Variants in ZNF283 observed in about 807,000 individuals in gnomAD.
ZNF283 encodes the protein zinc finger protein 41.
In ZNF283, 10 loss-of-function variants were observed where a neutral mutation model predicts 9.2. That is an observed-to-expected ratio of 1.09 (90% CI 0.67 to 1.85). ZNF283 has a LOEUF of 1.85. Ranked by LOEUF, ZNF283 falls within the 40% of genes most tolerant of loss-of-function variation. The pLI is 0.00. For missense variants in ZNF283, 631 were observed against 760.1 expected, an observed-to-expected ratio of 0.83 and a Z score of 2.00; for synonymous variants, 234 against 244.1, an observed-to-expected ratio of 0.96 and a Z score of 0.38.
intron 2 of ZNF283, among the ~76,000 whole-genome samples, chr19:43,829,590 G>A (rs1970614027): frequency 6.6e-6 from 1 of 152,186 alleles, no homozygotes; most frequent in Non-Finnish European, 1.5e-5. Flanking sequence ...GCTTCGTAGA[G>A]CAGTGTCATC....
chr19:43,835,932 T>C (rs1300142739), intron 5 of ZNF283, among the ~76,000 whole-genome samples: 2 of 152,182 alleles, frequency 1.3e-5, no homozygotes, highest in Non-Finnish European at 2.9e-5. Context: ...GTGTAGGCCA[T>C]GAGTGACATT....
At chr19:43,845,818 C>T (rs1233356175) in intron 6 of ZNF283, among the ~76,000 whole-genome samples, 1 of 152,068 alleles carries the variant, frequency 6.6e-6, no homozygotes, top group East Asian at 1.9e-4. Context: ...TAGCATTTCC[C>T]ATATGCATTT....
rs1371854407 is a variant in ZNF283 at position 43,829,078 on chromosome 19, T to C, written c.-65+797T>C. On this transcript the variant is annotated intron_variant, in intron 2 of 6. Transcript: ENST00000618787. Reference sequence around the variant, plus strand: ...CTGTGGCATGTAAGAAGCCGTACTATGTTGTAGTTAAAAATAAGGCCCTGG... The same window carrying C: ...CTGTGGCATGTAAGAAGCCGTACTACGTTGTAGTTAAAAATAAGGCCCTGG... Among the ~76,000 whole-genome samples the C allele has an allele frequency of 3.3e-5, 5 of 152,184 alleles. No homozygotes were observed. The East Asian group carries it at 7.7e-4, about 23-fold the overall frequency.
intron 6 of ZNF283, among the ~76,000 whole-genome samples, chr19:43,841,843 T>G (rs1971226764): frequency 6.6e-6 from 1 of 152,228 alleles, no homozygotes; most frequent in African/African-American, 2.4e-5. Flanking sequence ...TGAACTCTAT[T>G]GTATATAATG....
Position 43,848,120 on chromosome 19 carries a change from G to C in ZNF283, c.1519G>C (p.Val507Leu). ...CSGYQLTRHQ[V>L]FHTGEKPYEC... ...TGGGTATCAACTTACTCGACATCAG[G>C]TATTTCACACTGGTGAGAAACCCTA... is the stretch of plus-strand genomic sequence containing the variant. Residue 507 changes from valine to leucine, a missense_variant, in exon 7 of 7, where the codon GTA becomes CTA. This residue lies in a region of ZNF283 where 444 missense variants were observed against 522.5 expected (regional missense o/e 0.85). Transcript: ENST00000618787. 3 of 1,593,360 alleles carry C rather than the reference G, an allele frequency of 1.9e-6. No individual in the cohort carries two copies. The highest frequency in any genetic ancestry group is 2.6e-6 in the Non-Finnish European group (3 of 1,171,074).
chr19:43,834,927 A>G (rs10423888), intron 4 of ZNF283, among the ~76,000 whole-genome samples: 14,299 of 151,982 alleles, frequency 0.094, 838 homozygotes, highest in Non-Finnish European at 0.13. Flanking sequence ...CTTTCTAAAC[A>G]TTTTTTCATC....
In ZNF283 at chr19:43,845,018, C is replaced by T. The variant is rs1971351890; in HGVS notation, c.338-1921C>T. 2.6e-5 allele frequency among the ~76,000 whole-genome samples: 4 copies of T among 152,238 alleles called. No individual in the cohort carries two copies. The South Asian group carries it at 8.3e-4, about 32-fold the overall frequency. On this transcript the variant is annotated intron_variant, in intron 6 of 6. Transcript: ENST00000618787. ...GGGTATTTAAACCTAGGTACACAAT[C>T]TTTCTTAAAATTAATTTATAGAAAG...
intron 6 of ZNF283, among the ~76,000 whole-genome samples, chr19:43,841,264 A>G (rs748948953): frequency 6.6e-6 from 1 of 151,676 alleles, no homozygotes; most frequent in Non-Finnish European, 1.5e-5. Flanking sequence ...ATTTGTATTT[A>G]CTTTTGGGAT....
chr19:43,835,603 ATT>A lies in ZNF283; in HGVS notation c.210+15_210+16del, dbSNP rs1329390587. 2 of 1,572,694 alleles carry A rather than the reference ATT, an allele frequency of 1.3e-6. No homozygotes were observed. Among genetic ancestry groups the A allele is most frequent in the Admixed American group, 1.7e-5 (1 of 57,702 alleles). ...AGAACCATGACTGATGTAAGTTGGT[ATT>A]TTTCTCTCCATGAAATACTGTGATT... is the stretch of plus-strand genomic sequence containing the variant. On this transcript the variant is annotated intron_variant, in intron 5 of 6. Coordinates refer to ENST00000618787, the MANE Select transcript of ZNF283 (RefSeq NM_181845.2).
rs1387506729 is a variant in ZNF283, at chr19:43,835,528, C to T, written c.146C>T (p.Ala49Val). The part of the protein sequence containing the change: ...DYSSGFSGFC[A>V]SPIEESHGAL... ...AGTTCTGGCTTTTCTGGATTCTGTG[C>T]TTCACCAATAGAGGAATCCCATGGA... The change falls in exon 5 of 7, where the codon GCT becomes GTT. Residue 49 changes from alanine to valine, a missense_variant. Coordinates refer to ENST00000618787, the MANE Select transcript of ZNF283 (RefSeq NM_181845.2). The T allele has an allele frequency of 3.1e-6, 5 of 1,611,188 alleles. No homozygotes were observed. The highest frequency in any genetic ancestry group is 4.2e-6 in the Non-Finnish European group (5 of 1,178,572).
At chr19:43,833,483 TC>T in intron 3 of ZNF283, 21 bp from the exon 4 acceptor site, 1 of 224,482 alleles carries the variant, frequency 4.5e-6, no homozygotes, top group South Asian at 3.5e-5. Context: ...TTTACCTATT[TC>T]TTTTTTTTTT....
At chr19:43,838,325 CTA>C (rs1971063307) in intron 6 of ZNF283, among the ~76,000 whole-genome samples, 1 of 152,078 alleles carries the variant, frequency 6.6e-6, no homozygotes, top group African/African-American at 2.4e-5. Flanking sequence ...AACTTTGAAA[CTA>C]TTAAATATTG....
rs1366081776 is a variant in ZNF283, at chr19:43,837,039, G to A, written c.211-14G>A. On this transcript the variant is annotated splice_polypyrimidine_tract_variant and intron_variant, in intron 5 of 6. Transcript: ENST00000618787. Reference sequence around the variant, plus strand: ...CTTTAATTTCACAAGTAATACATGGGTTTTTGGTTTTAGGGGTTGGTGACA... The same window carrying A: ...CTTTAATTTCACAAGTAATACATGGATTTTTGGTTTTAGGGGTTGGTGACA... 1.2e-6 allele frequency: 2 copies of A among 1,613,344 alleles called. No individual in the cohort carries two copies. The highest frequency in any genetic ancestry group is 2.2e-5 in the East Asian group (1 of 44,866).
chr19:43,841,912 G>GT (rs1203348634), intron 6 of ZNF283, among the ~76,000 whole-genome samples: 1 of 151,970 alleles, frequency 6.6e-6, no homozygotes, highest in African/African-American at 2.4e-5. Context: ...CTGTTATTAA[G>GT]TTTTTTCTTT....
intron 4 of ZNF283, among the ~76,000 whole-genome samples, chr19:43,835,142 A>G (rs1970910365): frequency 6.6e-6 from 1 of 152,126 alleles, no homozygotes; most frequent in Admixed American, 6.5e-5. Context: ...TGAATTCCTT[A>G]TACAGCCTGT....
intron 2 of ZNF283, among the ~76,000 whole-genome samples, chr19:43,829,369 A>G (rs71362673): frequency 0.016 from 2,413 of 152,288 alleles, 28 homozygotes; most frequent in Non-Finnish European, 0.023. Context: ...TGGGTGACAG[A>G]GAGAGACTCC....
intron 6 of ZNF283, among the ~76,000 whole-genome samples, chr19:43,842,055 A>G (rs1228636853): frequency 2.6e-5 from 4 of 152,082 alleles, no homozygotes; most frequent in Non-Finnish European, 5.9e-5. Context: ...CAACCATTGT[A>G]TCTTCAAATA....
In ZNF283 at chr19:43,837,133, G is replaced by A; in HGVS notation, c.291G>A (p.Leu97=). Reference sequence around the variant, plus strand: ...GCCTGGACCCTGCTCAGAGGGACTTGTACGTGGATGTAATGTTGGAGAACT... The same window carrying A: ...GCCTGGACCCTGCTCAGAGGGACTTATACGTGGATGTAATGTTGGAGAACT... ...WECLDPAQRD[L]YVDVMLENYS... is the part of the protein sequence containing the mutation. Residue 97 remains leucine, a synonymous_variant, in exon 6 of 7, where the codon TTG becomes TTA. Coordinates refer to ENST00000618787, the MANE Select transcript of ZNF283 (RefSeq NM_181845.2). The A allele has an allele frequency of 6.2e-7, 1 of 1,613,446 alleles. No homozygotes were observed. Among genetic ancestry groups the A allele is most frequent in the Non-Finnish European group, 8.5e-7 (1 of 1,179,716 alleles).
Position 43,831,331 on chromosome 19 carries a change from G to A in ZNF283, c.-51G>A, listed in dbSNP as rs756116562. 17 of 1,595,058 alleles carry A rather than the reference G, an allele frequency of 1.1e-5. No homozygotes were observed. Among genetic ancestry groups the A allele is most frequent in the Admixed American group, 1.7e-5 (1 of 59,614 alleles). On this transcript the variant is annotated 5_prime_UTR_variant, in exon 3 of 7. In the 5' UTR this introduces an upstream ATG that the reference lacks. Transcript: ENST00000618787. ...GTTGATTTACAGGAGAATCTTGACA[G>A]TGAATGTGTCTCATTACATTGAATA...
Sources: gnomAD v4.1 joint callset for allele counts (sites outside exome capture counted in the v4.1 genomes callset) on GRCh38, gnomAD v4.1.1 for gene constraint, gnomAD v4.1.1 regional missense constraint, MANE v1.5 for transcripts, NCBI Gene and HGNC (gene_info 2026-07-23, HGNC 2026-07-21) for gene names.